The following SMURF1 variants were observed in gnomAD, a reference collection of about 807,000 sequenced individuals.
SMURF1 encodes the protein SMAD specific E3 ubiquitin protein ligase 1.
Under a neutral mutation model 98.0 loss-of-function variants are expected in SMURF1, and 44 were observed. That is an observed-to-expected ratio of 0.45 (90% CI 0.35 to 0.58). The LOEUF (loss-of-function observed/expected upper bound fraction) is 0.58, where lower values mean the gene tolerates loss of function less well. Ranked by LOEUF, SMURF1 falls within the 20% of genes least tolerant of loss-of-function variation. The pLI is 0.00. For synonymous variants in SMURF1, 396 were observed against 374.9 expected, an observed-to-expected ratio of 1.06 and a Z score of -0.65; for missense variants, 687 against 938.4, an observed-to-expected ratio of 0.73 and a Z score of 3.50.
chr7:99,138,327 C>A (rs1175235735), intron 1 of SMURF1, among the ~76,000 whole-genome samples: 1 of 152,158 alleles, frequency 6.6e-6, no homozygotes, highest in African/African-American at 2.4e-5. Context: ...TAACCAGTGC[C>A]CACGATGTTG....
Position 99,057,256 on chromosome 7 carries a change from G to A in SMURF1, c.352C>T (p.Leu118=). ...LKDTGYQRLD[L]CKLNPSDTDA... is the part of the protein sequence containing the mutation. Reference sequence around the variant, plus strand: ...GTATCTGAGGGGTTTAGTTTGCATAGATCCAAACGCTGGTCTGTAAACAAA... The same window carrying A: ...GTATCTGAGGGGTTTAGTTTGCATAAATCCAAACGCTGGTCTGTAAACAAA... The change falls in exon 5 of 18, where the codon CTA becomes TTA. Residue 118 remains leucine, a synonymous_variant. Transcript: ENST00000361368. The A allele has an allele frequency of 1.2e-6, 2 of 1,614,130 alleles. No individual in the cohort carries two copies. The highest frequency in any genetic ancestry group is 1.7e-6 in the Non-Finnish European group (2 of 1,180,002).
intron 5 of SMURF1, 90 bp downstream of exon 5, chr7:99,057,115 C>A: frequency 7.2e-7 from 1 of 1,392,894 alleles, no homozygotes; most frequent in Non-Finnish European, 1.0e-6. Flanking sequence ...CCGTCAGCAT[C>A]GTCAGTGCCT....
At chr7:99,034,271 C>A (rs1795035541) in intron 16 of SMURF1, among the ~76,000 whole-genome samples, 1 of 152,254 alleles carries the variant, frequency 6.6e-6, no homozygotes, top group Non-Finnish European at 1.5e-5. Context: ...CTGTTCGGGA[C>A]TGTGACCCTG....
intron 1 of SMURF1, among the ~76,000 whole-genome samples, chr7:99,106,203 G>C (rs1797190532): frequency 6.6e-6 from 1 of 152,206 alleles, no homozygotes; most frequent in South Asian, 2.1e-4. Context: ...GCCAAAAGTA[G>C]TTGTTCAATC....
chr7:99,045,487 G>A (rs376954601), intron 11 of SMURF1: 1 of 515,790 alleles, frequency 1.9e-6, no homozygotes, highest in Non-Finnish European at 3.4e-6. Flanking sequence ...TATTCTGGTA[G>A]GTTATGGCAA....
At chr7:99,115,817 C>T (rs1797431114) in intron 1 of SMURF1, among the ~76,000 whole-genome samples, 1 of 151,704 alleles carries the variant, frequency 6.6e-6, no homozygotes, top group African/African-American at 2.4e-5. Context: ...AAAGAACTTC[C>T]AAAAAGAAAA....
At chr7:99,128,596 G>C (rs1462338981) in intron 1 of SMURF1, among the ~76,000 whole-genome samples, 1 of 152,142 alleles carries the variant, frequency 6.6e-6, no homozygotes, top group Non-Finnish European at 1.5e-5. Flanking sequence ...TATCATTCAA[G>C]CTCTATAATA....
chr7:99,109,192 G>C (rs1439703934), intron 1 of SMURF1, among the ~76,000 whole-genome samples: 1 of 152,154 alleles, frequency 6.6e-6, no homozygotes, highest in Non-Finnish European at 1.5e-5. Context: ...TCCTATTTCT[G>C]TCAGTATGCC....
chr7:99,034,423 G>A (rs184046744), intron 16 of SMURF1, among the ~76,000 whole-genome samples: 1 of 152,338 alleles, frequency 6.6e-6, no homozygotes, highest in African/African-American at 2.4e-5. Flanking sequence ...CTGTGGGCAA[G>A]ACAATGGCGC....
In SMURF1 at chr7:99,055,443, G is replaced by A. The variant is rs151125187; in HGVS notation, c.404-578C>T. ...AGATCGCGCCACTGAACTGCAGCAG[G>A]GGTGACAGAGTGAGACTCTGTCTCC... is the stretch of plus-strand genomic sequence containing the variant. On this transcript the variant is annotated intron_variant, in intron 5 of 17. Transcript: ENST00000361368. Among the ~76,000 whole-genome samples the A allele has an allele frequency of 2.6e-5, 4 of 151,814 alleles. No homozygotes were observed. The East Asian group carries it at 7.8e-4, about 29-fold the overall frequency.
At chr7:99,031,381 G>A (rs1372570949) in intron 17 of SMURF1, 1 of 152,166 alleles carries the variant, frequency 6.6e-6, no homozygotes, top group African/African-American at 2.4e-5. Context: ...CAAAGAAAAA[G>A]ACATCCTTTA....
chr7:99,120,238 C>T (rs1797577262), intron 1 of SMURF1, among the ~76,000 whole-genome samples: 1 of 152,188 alleles, frequency 6.6e-6, no homozygotes, highest in South Asian at 2.1e-4. Flanking sequence ...GTACAGCCTG[C>T]AGGACCGTGA....
intron 1 of SMURF1, among the ~76,000 whole-genome samples, chr7:99,101,730 A>T (rs1797086863): frequency 6.6e-6 from 1 of 152,174 alleles, no homozygotes; most frequent in East Asian, 1.9e-4. Flanking sequence ...GCCTGAGGTC[A>T]GGAGTTGGAA....
At chr7:99,101,628 T>G (rs1285849631) in intron 1 of SMURF1, among the ~76,000 whole-genome samples, 1 of 152,170 alleles carries the variant, frequency 6.6e-6, no homozygotes, top group Non-Finnish European at 1.5e-5. Context: ...CATTTTAATC[T>G]CACCCTCAAG....
rs942099002 is a variant in SMURF1 at position 99,057,399 on chromosome 7, G to A, written c.337+19C>T. On this transcript the variant is annotated intron_variant, in intron 4 of 17. Transcript: ENST00000361368. ...TTTCTTTGGTTGCATTAAGAGGCAG[G>A]AAAGTGTTTGGTTCTTACATCCGGT... 3 of 1,612,564 alleles carry A rather than the reference G, an allele frequency of 1.9e-6. No individual in the cohort carries two copies. Among genetic ancestry groups the A allele is most frequent in the Non-Finnish European group, 2.5e-6 (3 of 1,179,704 alleles).
intron 1 of SMURF1, among the ~76,000 whole-genome samples, chr7:99,125,847 T>G (rs1196855648): frequency 6.6e-6 from 1 of 152,214 alleles, no homozygotes; most frequent in Non-Finnish European, 1.5e-5. Flanking sequence ...CATTTCCTGA[T>G]CCAATCTCCC....
At chr7:99,076,094 T>C (rs975604532) in intron 1 of SMURF1, among the ~76,000 whole-genome samples, 2 of 152,172 alleles carry the variant, frequency 1.3e-5, no homozygotes, top group African/African-American at 4.8e-5. Flanking sequence ...TTTATAGCGA[T>C]GGGGTCTCGC....
chr7:99,113,068 T>C (rs1345901254), intron 1 of SMURF1, among the ~76,000 whole-genome samples: 1 of 152,016 alleles, frequency 6.6e-6, no homozygotes, highest in African/African-American at 2.4e-5. Flanking sequence ...ATAATAGGAA[T>C]CCCAGAATGA....
chr7:99,131,997 G>A (rs1278625344), intron 1 of SMURF1, among the ~76,000 whole-genome samples: 1 of 152,086 alleles, frequency 6.6e-6, no homozygotes, highest in Non-Finnish European at 1.5e-5. Flanking sequence ...AGTTATCCCC[G>A]CCAGCCCTGA....
Sources: allele counts gnomAD v4.1 joint callset (sites outside exome capture counted in the v4.1 genomes callset), GRCh38; gene constraint gnomAD v4.1.1; transcripts MANE v1.5; gene names NCBI Gene and HGNC (gene_info 2026-07-23, HGNC 2026-07-21).